LAMA4: variants seen among roughly 807,000 people sequenced by gnomAD.
The protein encoded by LAMA4 is laminin subunit alpha-4.
A neutral mutation model predicts 207.1 loss-of-function variants in LAMA4; 127 were observed. That is an observed-to-expected ratio of 0.61 (90% confidence interval 0.53 to 0.71). The LOEUF (loss-of-function observed/expected upper bound fraction) is 0.71, where lower values mean the gene tolerates loss of function less well. Ranked by LOEUF, LAMA4 falls within the 30% of genes least tolerant of loss-of-function variation. The pLI is 0.00. For missense variants in LAMA4, 2,093 were observed against 2,246.5 expected (o/e 0.93, Z 1.38); for synonymous variants, 761 against 816.0 (o/e 0.93, Z 1.15).
chr6:112,133,213 G>T, intron 27 of LAMA4, 136 bp downstream of exon 27: 1 of 965,382 alleles, frequency 1.0e-6, no homozygotes, highest in Non-Finnish European at 1.7e-6. Flanking sequence ...TAGCTTAATG[G>T]TTCTTCTTTC....
rs1783139217 is a variant in LAMA4, at chr6:112,191,836, T to C, written c.518A>G (p.Tyr173Cys). Residue 173 changes from tyrosine to cysteine, a missense_variant, in exon 6 of 39, where the codon TAC becomes TGC. By Grantham distance (194) the Tyr-to-Cys change is radical. Transcript: ENST00000230538. ...TCCAATGAGTAAGGGGTTTCCATAGTAACCGGGAGCACATCTGAAGAGGAA... is the reference window on the plus strand; with the variant it reads ...TCCAATGAGTAAGGGGTTTCCATAGCAACCGGGAGCACATCTGAAGAGGAA... ...GPNCERCAPGYYGNPLLIGST... is the reference protein window; with the variant it reads ...GPNCERCAPGCYGNPLLIGST... 3.1e-6 allele frequency: 5 copies of C among 1,613,050 alleles called. No individual in the cohort carries two copies. Among genetic ancestry groups the C allele is most frequent in the Non-Finnish European group, 4.2e-6 (5 of 1,179,106 alleles).
At chr6:112,110,365 T>C (rs1777626889) in intron 38 of LAMA4, among the ~76,000 whole-genome samples, 1 of 152,202 alleles carries the variant, frequency 6.6e-6, no homozygotes, top group Admixed American at 6.5e-5. Flanking sequence ...TACAAACAGC[T>C]ATGTGAGCAG....
chr6:112,232,360 T>C (rs1405242048), intron 2 of LAMA4, among the ~76,000 whole-genome samples: 1 of 152,220 alleles, frequency 6.6e-6, no homozygotes, highest in Non-Finnish European at 1.5e-5. Context: ...TTTTAAAGCA[T>C]GAATGGTATT....
chr6:112,148,486 CG>C, intron 17 of LAMA4, 150 bp from the exon 18 acceptor site: 2 of 718,244 alleles, frequency 2.8e-6, no homozygotes, highest in South Asian at 3.5e-5. Context: ...TGTGGCTCAC[CG>C]AAAACATTTC....
At chr6:112,164,103 G>C (rs1781249386) in intron 13 of LAMA4, 2 of 152,286 alleles carry the variant, frequency 1.3e-5, no homozygotes, top group Admixed American at 1.3e-4. Context: ...CCCACCAGTC[G>C]CATGCAGCTG....
chr6:112,206,876 C>A, intron 4 of LAMA4, 145 bp downstream of exon 4: 1 of 916,608 alleles, frequency 1.1e-6, no homozygotes, highest in Non-Finnish European at 1.7e-6. Flanking sequence ...GAAACTTTTT[C>A]TATATCTTTT....
rs1402200171 is a variant in LAMA4, at chr6:112,155,709, G to A, written c.1818-3C>T. On this transcript the variant is annotated splice_region_variant and splice_polypyrimidine_tract_variant and intron_variant, in intron 14 of 38. Transcript: ENST00000230538. ...TCATATCTGAACTGTGCAACTTCCT[G>A]TTAATAAACAAACATTGTTATTTCT... 1.2e-6 allele frequency: 2 copies of A among 1,613,914 alleles called. No homozygotes were observed. Among genetic ancestry groups the A allele is most frequent in the Non-Finnish European group, 1.7e-6 (2 of 1,179,878 alleles).
intron 33 of LAMA4, among the ~76,000 whole-genome samples, chr6:112,120,030 A>T (rs1562628769): frequency 6.6e-6 from 1 of 152,264 alleles, no homozygotes; most frequent in Non-Finnish European, 1.5e-5. Flanking sequence ...GTGAGAAATC[A>T]TTAAAAACCA....
At chr6:112,169,074 C>T (rs1459678314) in intron 12 of LAMA4, among the ~76,000 whole-genome samples, 1 of 152,162 alleles carries the variant, frequency 6.6e-6, no homozygotes, top group Non-Finnish European at 1.5e-5. Context: ...AGGAATTTAC[C>T]TTTCTTAAGT....
intron 20 of LAMA4, 102 bp downstream of exon 20, chr6:112,142,017 G>A: frequency 9.1e-7 from 1 of 1,095,080 alleles, no homozygotes; most frequent in Non-Finnish European, 1.4e-6. Flanking sequence ...ACCAGAATGG[G>A]CATTGTTTTG....
At chr6:112,122,900 T>A (rs1778445965) in intron 31 of LAMA4, among the ~76,000 whole-genome samples, 1 of 152,194 alleles carries the variant, frequency 6.6e-6, no homozygotes. Context: ...TAGTGACTAT[T>A]GAATGGGTAG....
In LAMA4 at chr6:112,187,472, T is replaced by A; in HGVS notation, c.944A>T (p.Asn315Ile). The A allele has an allele frequency of 6.2e-7, 1 of 1,614,072 alleles. No homozygotes were observed. The highest frequency in any genetic ancestry group is 8.5e-7 in the Non-Finnish European group (1 of 1,180,012). ...AAAHRHVNEI[N>I]ATIYLLKTKL... is the part of the protein sequence containing the mutation. The stretch of plus-strand genomic sequence containing the variant: ...TACTTTGAGGAGGTAGATGGTGGCG[T>A]TGATTTCATTCACGTGCCTATGAGC... The change falls in exon 8 of 39, where the codon AAC becomes ATC. Residue 315 changes from asparagine to isoleucine, a missense_variant. Asn to Ile is a moderately radical substitution (Grantham distance 149). Around this residue, in one of 3 missense-constraint regions of LAMA4, gnomAD observed 1,704 missense variants for 1,788.4 expected, o/e 0.95. Coordinates refer to ENST00000230538, the MANE Select transcript of LAMA4 (RefSeq NM_001105206.3).
At chr6:112,218,083 A>C (rs1554359298) in intron 2 of LAMA4, 1 of 152,222 alleles carries the variant, frequency 6.6e-6, no homozygotes, top group East Asian at 1.9e-4. Flanking sequence ...TTAAGAGTAT[A>C]TCCTGGTCAT....
At chr6:112,220,523 C>T (rs1467041256) in intron 2 of LAMA4, among the ~76,000 whole-genome samples, 1 of 152,090 alleles carries the variant, frequency 6.6e-6, no homozygotes, top group Non-Finnish European at 1.5e-5. Flanking sequence ...GATGACAGGA[C>T]ATGTTGTTAT....
At chr6:112,154,515 T>A (rs1461578099) in intron 16 of LAMA4, among the ~76,000 whole-genome samples, 2 of 150,692 alleles carry the variant, frequency 1.3e-5, no homozygotes, top group Non-Finnish European at 3.0e-5. Context: ...AATATAGTTT[T>A]AGTGTTAAGT....
At position 112,187,567 on chromosome 6, in the gene LAMA4, G is replaced by C. The variant is rs9387061; in HGVS notation, c.849C>G (p.Asp283Glu). Reference protein sequence around the residue: ...CDKCVWDLTDDLRLAALSIEE... With the variant: ...CDKCVWDLTDELRLAALSIEE... The stretch of plus-strand genomic sequence containing the variant: ...CGATGGAGAGCGCTGCTAACCGCAG[G>C]TCATCAGTCAGGTCCCAGACGCACT... Residue 283 changes from aspartate (D) to glutamate (E), a missense_variant, in exon 8 of 39, where the codon GAC (aspartate) becomes GAG (glutamate). Asp to Glu is a conservative substitution (Grantham distance 45). Around this residue, in one of 3 missense-constraint regions of LAMA4, gnomAD observed 1,704 missense variants for 1,788.4 expected, o/e 0.95. Transcript: ENST00000230538. 10 of 1,614,010 alleles carry C rather than the reference G, an allele frequency of 6.2e-6. No individual in the cohort carries two copies. Among genetic ancestry groups the C allele is most frequent in the African/African-American group, 1.3e-5 (1 of 75,036 alleles).
chr6:112,138,885 A>T (rs751663971), intron 24 of LAMA4, among the ~76,000 whole-genome samples: 1 of 152,186 alleles, frequency 6.6e-6, no homozygotes, highest in Admixed American at 6.5e-5. Context: ...TAATTTCCTC[A>T]AAGTTCTCTT....
At chr6:112,242,052 A>T (rs1786556185) in intron 2 of LAMA4, among the ~76,000 whole-genome samples, 1 of 152,184 alleles carries the variant, frequency 6.6e-6, no homozygotes, top group African/African-American at 2.4e-5. Context: ...TTTTGAGCAG[A>T]TTCCCCAAGT....
chr6:112,111,706 TG>T (rs1453482692), intron 38 of LAMA4, among the ~76,000 whole-genome samples: 1 of 152,228 alleles, frequency 6.6e-6, no homozygotes, highest in African/African-American at 2.4e-5. Context: ...AGTGGGCTGG[TG>T]GTTACGCCCT....
Sources: allele counts gnomAD v4.1 joint callset (sites outside exome capture counted in the v4.1 genomes callset), GRCh38; gene constraint gnomAD v4.1.1; regional missense constraint gnomAD v4.1.1; transcripts MANE v1.5; gene names NCBI Gene and HGNC (gene_info 2026-07-23, HGNC 2026-07-21).